Variants in KCTD19 observed in about 807,000 individuals in gnomAD.
KCTD19 encodes potassium channel tetramerization domain containing 19, also known as BTB/POZ domain-containing protein KCTD19.
In KCTD19, 67 loss-of-function variants were observed where a neutral mutation model predicts 103.5. That is an observed-to-expected ratio of 0.65 (90% CI 0.53 to 0.79). The LOEUF is 0.79. Among genes scored for constraint, KCTD19 ranks in the 30% least tolerant of loss-of-function variants. KCTD19 has a pLI of 0.00. For synonymous variants in KCTD19, 439 were observed against 452.2 expected, an observed-to-expected ratio of 0.97 and a Z score of 0.37; for missense variants, 980 against 1,136.1, an observed-to-expected ratio of 0.86 and a Z score of 1.98.
At chr16:67,290,167 C>CTTTTTTTTTTTTTTTTTTTTTTTTTTT in intron 15 of KCTD19, among the ~76,000 whole-genome samples, 1 of 69,282 alleles carries the variant, frequency 1.4e-5, no homozygotes, top group Non-Finnish European at 2.5e-5. Flanking sequence ...TGAATATTTT[C>CTTTTTTTTTTTTTTTTTTTTTTTTTTT]TTTTTTTTTT....
chr16:67,312,403 T>A (rs531064881), intron 2 of KCTD19, among the ~76,000 whole-genome samples: 1 of 152,320 alleles, frequency 6.6e-6, no homozygotes, highest in East Asian at 1.9e-4. Flanking sequence ...GATATTAATG[T>A]GTGGACCTGT....
rs1382123460 is a variant in KCTD19 at position 67,289,470 on chromosome 16, A to T, written c.*99T>A. The T allele has an allele frequency of 3.2e-6, 2 of 633,984 alleles. No homozygotes were observed. The highest frequency in any genetic ancestry group is 5.5e-5 in the Admixed American group (2 of 36,334). The allele number at this position is 633,984 out of a possible 1,614,324, so 39.3% of individuals were successfully genotyped here. On this transcript the variant is annotated 3_prime_UTR_variant, in exon 16 of 16. Coordinates refer to ENST00000304372, the MANE Select transcript of KCTD19 (RefSeq NM_001100915.3). ...TTTATTTGTTTATAATAAAAAATAG[A>T]CTGATATGTACCCTCTGATGGGCAC...
chr16:67,315,760 T>G (rs1462898822), intron 2 of KCTD19, among the ~76,000 whole-genome samples: 1 of 152,124 alleles, frequency 6.6e-6, no homozygotes, highest in Non-Finnish European at 1.5e-5. Flanking sequence ...ATTACAGGTG[T>G]GAGCCACCGT....
In KCTD19 at chr16:67,291,510, G is replaced by A. The variant is rs117851927; in HGVS notation, c.2411-47C>T. 3,721 of 1,595,606 alleles carry A rather than the reference G, an allele frequency of 2.3e-3. 10 individuals carry two copies. Among genetic ancestry groups the A allele is most frequent in the Middle Eastern group, 0.012 (70 of 5,940 alleles). On this transcript the variant is annotated intron_variant, in intron 13 of 15. Transcript: ENST00000304372. ...TGTGGCCACATCTGTCAATAGCTAG[G>A]GCCTTAGAGACAGTGTGAGGAGGGG...
chr16:67,319,189 C>T (rs922813697), intron 2 of KCTD19, among the ~76,000 whole-genome samples: 110 of 151,262 alleles, frequency 7.3e-4, no homozygotes, highest in African/African-American at 2.6e-3. Context: ...CGCCATTGCA[C>T]TCCAGCCTGG....
At chr16:67,296,681 T>G (rs2036768739) in intron 7 of KCTD19, among the ~76,000 whole-genome samples, 1 of 152,212 alleles carries the variant, frequency 6.6e-6, no homozygotes, top group Non-Finnish European at 1.5e-5. Context: ...TCCCTGTCAC[T>G]TTTATGAGAC....
chr16:67,315,313 T>TC (rs1300227538), intron 2 of KCTD19, among the ~76,000 whole-genome samples: 2 of 144,632 alleles, frequency 1.4e-5, no homozygotes, highest in Non-Finnish European at 3.0e-5. Flanking sequence ...CTATTCCTCT[T>TC]TTTTTTTTTT....
At chr16:67,308,339 A>AT (rs2036915402) in intron 2 of KCTD19, among the ~76,000 whole-genome samples, 1 of 151,150 alleles carries the variant, frequency 6.6e-6, no homozygotes, top group African/African-American at 2.4e-5. Context: ...TAACTTTTTG[A>AT]TTTTTTGTAG....
In KCTD19 at chr16:67,295,036, T is replaced by C. The variant is rs2036748847; in HGVS notation, c.1412A>G (p.Gln471Arg). 2 of 1,613,962 alleles carry C rather than the reference T, an allele frequency of 1.2e-6. No homozygotes were observed. The highest frequency in any genetic ancestry group is 2.7e-5 in the African/African-American group (2 of 74,934). ...TGGAATGTGGTATTCCTCCACCTCC[T>C]GGCAGAAGAGGGGCCATTCCCTGCA... Reference protein sequence around the residue: ...SEFKEWPLFCQEVEEYHIPSL... With the variant: ...SEFKEWPLFCREVEEYHIPSL... Residue 471 changes from glutamine to arginine, a missense_variant, in exon 10 of 16, where the codon CAG becomes CGG. Coordinates refer to ENST00000304372, the MANE Select transcript of KCTD19 (RefSeq NM_001100915.3).
At chr16:67,290,244 C>T (rs1486181940) in intron 15 of KCTD19, among the ~76,000 whole-genome samples, 1 of 117,984 alleles carries the variant, frequency 8.5e-6, no homozygotes, top group Non-Finnish European at 1.6e-5. Context: ...GTGGCACGAT[C>T]TCGGCTCACT....
intron 11 of KCTD19, 44 bp downstream of exon 11, chr16:67,294,536 G>A (rs1242607484): frequency 5.1e-6 from 7 of 1,367,082 alleles, no homozygotes; most frequent in Non-Finnish European, 7.3e-6. Flanking sequence ...CCCGGTGGTA[G>A]TGGTTTTTGA....
intron 1 of KCTD19, chr16:67,325,874 C>T (rs1359111459): frequency 6.6e-6 from 1 of 151,950 alleles, no homozygotes; most frequent in Admixed American, 6.6e-5. Flanking sequence ...CCACGCTGAT[C>T]CTTCTCCCCC....
At chr16:67,322,298 CT>C (rs565832620) in intron 1 of KCTD19, among the ~76,000 whole-genome samples, 12,923 of 138,064 alleles carry the variant, frequency 0.094, 695 homozygotes, top group African/African-American at 0.22. Flanking sequence ...ACTATAAAAT[CT>C]TTTTTTTTTT....
chr16:67,316,576 AAAAG>A (rs1393291345), intron 2 of KCTD19, among the ~76,000 whole-genome samples: 1 of 152,222 alleles, frequency 6.6e-6, no homozygotes, highest in Non-Finnish European at 1.5e-5. Flanking sequence ...ACTACAAAAA[AAAAG>A]AAAATAATAT....
At chr16:67,299,009 G>A (rs577339003) in intron 6 of KCTD19, among the ~76,000 whole-genome samples, 1 of 152,356 alleles carries the variant, frequency 6.6e-6, no homozygotes, top group African/African-American at 2.4e-5. Context: ...GAGTGGCGGA[G>A]GACCTTTGTA....
chr16:67,311,366 G>T (rs2036946988), intron 2 of KCTD19, among the ~76,000 whole-genome samples: 1 of 151,742 alleles, frequency 6.6e-6, no homozygotes, highest in African/African-American at 2.4e-5. Context: ...GCACAATCTT[G>T]GCCTTGTCTC....
chr16:67,305,738 AGGCACC>A (rs2036885684), intron 2 of KCTD19: 1 of 357,222 alleles, frequency 2.8e-6, no homozygotes, highest in Non-Finnish European at 5.7e-6. Context: ...GGTACTTTAA[AGGCACC>A]AGATCCTCAA....
chr16:67,314,874 G>GAGAGAGAGAGAGAGAGAGA (rs1491336436), intron 2 of KCTD19, among the ~76,000 whole-genome samples: 3 of 119,332 alleles, frequency 2.5e-5, no homozygotes, highest in African/African-American at 1.5e-4. Context: ...GAGAGAGAGA[G>GAGAGAGAGAGAGAGAGAGA]GGGAAGGGTC....
chr16:67,289,935 A>G (rs1395633139), intron 15 of KCTD19, among the ~76,000 whole-genome samples: 1 of 152,228 alleles, frequency 6.6e-6, no homozygotes, highest in Admixed American at 6.5e-5. Flanking sequence ...TTTTAGCCAT[A>G]CATGCTGACT....
Sources: gnomAD v4.1 joint callset for allele counts (sites outside exome capture counted in the v4.1 genomes callset) on GRCh38, gnomAD v4.1.1 for gene constraint, MANE v1.5 for transcripts, NCBI Gene and HGNC (gene_info 2026-07-23, HGNC 2026-07-21) for gene names.